Variants in COLQ observed in about 807,000 individuals in gnomAD.
The protein encoded by COLQ is collagen like tail subunit of asymmetric acetylcholinesterase.
Under a neutral mutation model 69.0 loss-of-function variants are expected in COLQ, and 48 were observed. The ratio of observed to expected loss-of-function variants is 0.70; its 90% confidence interval spans 0.55 to 0.88. The LOEUF (loss-of-function observed/expected upper bound fraction) is 0.88. Ranked by LOEUF, COLQ falls within the 40% of genes least tolerant of loss-of-function variation. The probability of loss-of-function intolerance (pLI) is 0.00; values close to 1 mark genes in which losing one functional copy is unlikely to be tolerated. For synonymous variants in COLQ, 217 were observed against 211.2 expected (o/e 1.03, Z -0.24); for missense variants, 618 against 594.6 (o/e 1.04, Z -0.41).
chr3:15,474,899 G>A, intron 8 of COLQ, 26 bp downstream of exon 8: 1 of 1,613,946 alleles, frequency 6.2e-7, no homozygotes, highest in Admixed American at 1.7e-5. Flanking sequence ...CCAGGCTCTA[G>A]GACACCATCC....
At chr3:15,475,608 A>C in intron 6 of COLQ, 121 bp from the exon 7 acceptor site, 1 of 872,040 alleles carries the variant, frequency 1.1e-6, no homozygotes. Flanking sequence ...AAATCTGAGG[A>C]CCCCAGATGC....
At chr3:15,454,133 G>A (rs909917035) in intron 15 of COLQ, among the ~76,000 whole-genome samples, 14 of 152,174 alleles carry the variant, frequency 9.2e-5, no homozygotes, top group Admixed American at 3.3e-4. Context: ...CAAGAAGAAG[G>A]AGATCCTGGC....
intron 4 of COLQ, 134 bp downstream of exon 4, chr3:15,479,204 T>C: frequency 8.6e-7 from 1 of 1,159,648 alleles, no homozygotes; most frequent in East Asian, 2.3e-5. Context: ...CCAGCCATCA[T>C]GGAACCCAGC....
intron 5 of COLQ, 120 bp downstream of exon 5, chr3:15,478,857 T>C (rs1485307471): frequency 5.8e-6 from 7 of 1,197,626 alleles, no homozygotes; most frequent in Non-Finnish European, 8.7e-6. Flanking sequence ...GCACCATCAC[T>C]GTCCACCTGG....
chr3:15,519,244 C>T (rs888017527), intron 1 of COLQ, among the ~76,000 whole-genome samples: 5 of 152,192 alleles, frequency 3.3e-5, no homozygotes, highest in African/African-American at 1.2e-4. Flanking sequence ...TGTGGATGTG[C>T]GCACTGGTTG....
intron 1 of COLQ, among the ~76,000 whole-genome samples, chr3:15,505,143 C>T (rs557782727): frequency 6.6e-6 from 1 of 152,182 alleles, no homozygotes; most frequent in Non-Finnish European, 1.5e-5. Flanking sequence ...CCCTTGTTGG[C>T]AAATGTCTAG....
intron 1 of COLQ, among the ~76,000 whole-genome samples, chr3:15,520,251 C>G (rs778424825): frequency 6.6e-6 from 1 of 152,260 alleles, no homozygotes; most frequent in African/African-American, 2.4e-5. Flanking sequence ...TGGGCACACA[C>G]CCACGGTGAC....
chr3:15,478,481 T>C (rs2062419658), intron 5 of COLQ: 1 of 191,054 alleles, frequency 5.2e-6, no homozygotes, highest in Non-Finnish European at 1.1e-5. Flanking sequence ...CTGACACTAA[T>C]GAGAGCCTTG....
At chr3:15,453,782 G>A in intron 16 of COLQ, 47 bp downstream of exon 16, 1 of 1,222,196 alleles carries the variant, frequency 8.2e-7, no homozygotes. Flanking sequence ...GCAAAGAGGA[G>A]GGAGGGAGAA....
chr3:15,466,486 C>A lies in COLQ; in HGVS notation c.718-49G>T, dbSNP rs921414541. 3.3e-6 allele frequency: 5 copies of A among 1,495,126 alleles called. No homozygotes were observed. The African/African-American group carries it at 5.5e-5, about 16-fold the overall frequency. 92.6% of individuals were successfully genotyped at this position (1,495,126 alleles called of 1,614,324 possible). On this transcript the variant is annotated intron_variant, in intron 11 of 16. Coordinates refer to ENST00000383788, the MANE Select transcript of COLQ (RefSeq NM_005677.4). ...TGTTATGAAAGCATGACATAGCAAGCTTCCCGCCCCATTTATCACCAAATC... is the reference window on the plus strand; with the variant it reads ...TGTTATGAAAGCATGACATAGCAAGATTCCCGCCCCATTTATCACCAAATC...
rs776859718 is a variant in COLQ, at chr3:15,473,809, G to A, written c.636+191C>T. Among the ~76,000 whole-genome samples, 14 of 152,114 alleles carry A rather than the reference G, an allele frequency of 9.2e-5. No individual in the cohort carries two copies. The highest frequency in any genetic ancestry group is 3.1e-4 in the African/African-American group (13 of 41,424). Reference sequence around the variant, plus strand: ...CCTTTCCTTCCCATTGAGCTAGAGGGAGGCTCCAGACCATCCTGCCACCCT... The same window carrying A: ...CCTTTCCTTCCCATTGAGCTAGAGGAAGGCTCCAGACCATCCTGCCACCCT... On this transcript the variant is annotated intron_variant, in intron 10 of 16. Transcript: ENST00000383788. The surrounding 1 kb of genome is among the most constrained non-coding windows in gnomAD (Gnocchi z 4.0).
intron 1 of COLQ, among the ~76,000 whole-genome samples, chr3:15,495,686 C>A (rs563250023): frequency 6.6e-6 from 1 of 152,278 alleles, no homozygotes; most frequent in East Asian, 1.9e-4. Flanking sequence ...AGAGTCAGGG[C>A]AGCTCCAGCT....
intron 13 of COLQ, among the ~76,000 whole-genome samples, chr3:15,456,973 C>A (rs988636372): frequency 6.6e-6 from 1 of 151,938 alleles, no homozygotes; most frequent in Non-Finnish European, 1.5e-5. Flanking sequence ...CAGGTGTGCA[C>A]CACAATGCCT....
intron 1 of COLQ, among the ~76,000 whole-genome samples, chr3:15,502,345 G>A (rs2062842692): frequency 6.6e-6 from 1 of 152,046 alleles, no homozygotes; most frequent in South Asian, 2.1e-4. Context: ...TTGAACTCCT[G>A]ACCTCAGGTG....
chr3:15,478,569 A>C, intron 5 of COLQ: 1 of 269,118 alleles, frequency 3.7e-6, no homozygotes, highest in Non-Finnish European at 7.3e-6. Context: ...CAAAAAGCAA[A>C]AGCCATTTGT....
chr3:15,458,397 G>A (rs1007491007), intron 12 of COLQ, 72 bp from the exon 13 acceptor site: 15 of 1,565,214 alleles, frequency 9.6e-6, no homozygotes, highest in East Asian at 4.5e-5. Flanking sequence ...AGATGTGAGC[G>A]ACCTTTGCAA....
chr3:15,512,313 G>C (rs565170289), intron 1 of COLQ, among the ~76,000 whole-genome samples: 1 of 152,254 alleles, frequency 6.6e-6, no homozygotes, highest in African/African-American at 2.4e-5. Flanking sequence ...CAGCCACGAG[G>C]CCTCTCCTTC....
At chr3:15,511,138 T>C (rs1305869773) in intron 1 of COLQ, among the ~76,000 whole-genome samples, 1 of 152,200 alleles carries the variant, frequency 6.6e-6, no homozygotes, top group African/African-American at 2.4e-5. Context: ...TAAAGTCTGG[T>C]CCACCCCTTA....
chr3:15,504,774 C>G (rs960313646), intron 1 of COLQ, among the ~76,000 whole-genome samples: 3 of 152,142 alleles, frequency 2.0e-5, no homozygotes, highest in Non-Finnish European at 2.9e-5. Flanking sequence ...GCAGGAGAGT[C>G]GTTTGAACCC....
Sources: gnomAD v4.1 joint callset for allele counts (sites outside exome capture counted in the v4.1 genomes callset) on GRCh38, gnomAD v4.1.1 for gene constraint, Gnocchi (gnomAD v3.1) non-coding constraint, MANE v1.5 for transcripts, NCBI Gene and HGNC (gene_info 2026-07-23, HGNC 2026-07-21) for gene names.